The following RXRA variants were observed in gnomAD, a reference collection of about 807,000 sequenced individuals.
The protein encoded by RXRA is retinoic acid receptor RXR-alpha.
RXRA carries 5 observed loss-of-function variants against 44.5 expected under a neutral mutation model. The ratio of observed to expected loss-of-function variants is 0.11; its 90% CI spans 0.06 to 0.24. RXRA has a LOEUF of 0.24. Ranked by LOEUF, RXRA falls within the 10% of genes least tolerant of loss-of-function variation. RXRA has a pLI of 1.00. For synonymous variants in RXRA, 291 were observed against 271.4 expected (o/e 1.07, Z -0.71); for missense variants, 412 against 646.5 (o/e 0.64, Z 3.93).
chr9:134,376,387 A>G (rs1024254699), intron 1 of RXRA, among the ~76,000 whole-genome samples: 2 of 152,156 alleles, frequency 1.3e-5, no homozygotes, highest in Non-Finnish European at 2.9e-5. Context: ...GCTCCCGTCT[A>G]TGCTGTCTCC....
intron 1 of RXRA, among the ~76,000 whole-genome samples, chr9:134,352,234 C>T (rs1405208041): frequency 6.6e-6 from 1 of 152,062 alleles, no homozygotes; most frequent in Non-Finnish European, 1.5e-5. Context: ...GACTCTGCGC[C>T]TCCTGGGGTG....
chr9:134,365,329 G>A lies in RXRA; in HGVS notation c.29-36303G>A, dbSNP rs1180652557. Among the ~76,000 whole-genome samples, 1 of 152,264 alleles carries A rather than the reference G, an allele frequency of 6.6e-6. No homozygotes were observed. The highest frequency in any genetic ancestry group is 2.4e-5 in the African/African-American group (1 of 41,470). Reference sequence around the variant, plus strand: ...CTCGTGGTGGGGCAGCGCGTCCCTGGGTGAGTGACCAGGCGGCCTTGGGTC... The same window carrying A: ...CTCGTGGTGGGGCAGCGCGTCCCTGAGTGAGTGACCAGGCGGCCTTGGGTC... On this transcript the variant is annotated intron_variant, in intron 1 of 9. Transcript: ENST00000481739. This position sits in a 1 kb window ranked among gnomAD's most constrained non-coding sequence, Gnocchi z 4.0.
chr9:134,416,341 G>A (rs898737296), intron 4 of RXRA, among the ~76,000 whole-genome samples: 1 of 152,208 alleles, frequency 6.6e-6, no homozygotes, highest in Non-Finnish European at 1.5e-5. Context: ...CAGGGCTGAT[G>A]AGAGTCAGCT....
At chr9:134,331,920 C>G (rs1418028885) in intron 1 of RXRA, among the ~76,000 whole-genome samples, 2 of 152,210 alleles carry the variant, frequency 1.3e-5, no homozygotes, top group African/African-American at 4.8e-5. Flanking sequence ...TGGGTCTATG[C>G]CCCATGCTGG....
intron 1 of RXRA, among the ~76,000 whole-genome samples, chr9:134,353,570 C>G (rs551759697): frequency 2.6e-5 from 4 of 152,240 alleles, no homozygotes; most frequent in Admixed American, 1.3e-4. Flanking sequence ...CACGGCCCCA[C>G]GAGTCCACGA....
chr9:134,337,733 C>T (rs1005884082), intron 1 of RXRA, among the ~76,000 whole-genome samples: 3 of 152,096 alleles, frequency 2.0e-5, no homozygotes, highest in South Asian at 2.1e-4. Flanking sequence ...CACTTTGCGT[C>T]GTCGAAGGTT....
Position 134,425,232 on chromosome 9 carries a change from C to A in RXRA, c.910+3427C>A. ...AGGTTGATGTCACACGTGTCTGCTC[C>A]TGTGGGGTAGGGCCCCTTCCTTGGG... On this transcript the variant is annotated intron_variant, in intron 6 of 9. Coordinates refer to ENST00000481739, the MANE Select transcript of RXRA (RefSeq NM_002957.6). 3.0e-6 allele frequency: 3 copies of A among 985,366 alleles called. No homozygotes were observed. In the South Asian group the frequency reaches 1.4e-4, roughly 46 times the overall value. 61.0% of individuals were successfully genotyped at this position (985,366 alleles called of 1,614,324 possible). A position where few individuals can be genotyped will look rare whatever the true frequency, so the allele number is the denominator to read the frequency against.
intron 1 of RXRA, among the ~76,000 whole-genome samples, chr9:134,350,874 G>A (rs945975165): frequency 6.6e-6 from 1 of 152,222 alleles, no homozygotes; most frequent in Admixed American, 6.5e-5. Flanking sequence ...CTCCCCTGCC[G>A]CCTTGTCCTC....
At chr9:134,408,899 G>A (rs1428597402) in intron 3 of RXRA, 41 bp from the exon 4 acceptor site, 1 of 1,440,252 alleles carries the variant, frequency 6.9e-7, no homozygotes, top group Non-Finnish European at 9.2e-7. Context: ...CCCTGCCGGG[G>A]CGGTGGGTGC....
intron 1 of RXRA, chr9:134,379,430 C>A: frequency 1.0e-6 from 1 of 987,454 alleles, no homozygotes; most frequent in Non-Finnish European, 1.2e-6. Context: ...CACTTCCTGG[C>A]CATCCAGGCA....
rs1831714982 is a variant in RXRA, at chr9:134,440,447, C to T, written c.*3833C>T. 1 of 152,622 alleles carries T rather than the reference C, an allele frequency of 6.6e-6. No individual in the cohort carries two copies. The highest frequency in any genetic ancestry group is 2.4e-5 in the African/African-American group (1 of 41,462). The allele number at this position is 152,622 out of a possible 1,614,324, so 9.5% of individuals were successfully genotyped here. Reference sequence around the variant, plus strand: ...TGAAGTGGCTTCTCCGTACGATTGTCTCTGAAACATCGTGGCCTCAGGTGC... The same window carrying T: ...TGAAGTGGCTTCTCCGTACGATTGTTTCTGAAACATCGTGGCCTCAGGTGC... On this transcript the variant is annotated 3_prime_UTR_variant, in exon 10 of 10. Transcript: ENST00000481739.
chr9:134,413,008 C>T (rs1178528742), intron 4 of RXRA, among the ~76,000 whole-genome samples: 1 of 150,118 alleles, frequency 6.7e-6, no homozygotes, highest in African/African-American at 2.5e-5. Flanking sequence ...CACGTGTGTG[C>T]ATGTGCGTGC....
intron 1 of RXRA, among the ~76,000 whole-genome samples, chr9:134,329,482 A>T (rs527454889): frequency 6.6e-6 from 1 of 152,142 alleles, no homozygotes; most frequent in Non-Finnish European, 1.5e-5. Flanking sequence ...CTAGCCTCCA[A>T]CCTTGCCTAG....
rs894336544 is a variant in RXRA, at chr9:134,365,423, G to C, written c.29-36209G>C. ...TGGGATTTGGCGGGTAACGCTCGTG[G>C]TGTGTCCTGGTGTGAGACCCGGTGT... On this transcript the variant is annotated intron_variant, in intron 1 of 9. Coordinates refer to ENST00000481739, the MANE Select transcript of RXRA (RefSeq NM_002957.6). This position sits in a 1 kb window ranked among gnomAD's most constrained non-coding sequence, Gnocchi z 4.0. Among the ~76,000 whole-genome samples the C allele has an allele frequency of 6.6e-6, 1 of 152,196 alleles. No individual in the cohort carries two copies. Among genetic ancestry groups the C allele is most frequent in the Non-Finnish European group, 1.5e-5 (1 of 68,024 alleles).
chr9:134,375,747 G>A (rs1198380264), intron 1 of RXRA, among the ~76,000 whole-genome samples: 2 of 152,052 alleles, frequency 1.3e-5, no homozygotes, highest in African/African-American at 4.8e-5. Context: ...CGATTTGGAA[G>A]CAGCCACTCC....
chr9:134,333,193 G>A (rs1037235511), intron 1 of RXRA, among the ~76,000 whole-genome samples: 4 of 152,180 alleles, frequency 2.6e-5, no homozygotes, highest in Admixed American at 1.3e-4. Context: ...GAGCCTCTCA[G>A]GGTCTCTGTG....
At chr9:134,428,073 G>T (rs536579716) in intron 6 of RXRA, among the ~76,000 whole-genome samples, 1 of 152,176 alleles carries the variant, frequency 6.6e-6, no homozygotes, top group African/African-American at 2.4e-5. Context: ...GCGTGTGCAC[G>T]CGAGGGTCCC....
In RXRA at chr9:134,377,294, C is replaced by G. The variant is rs146359451; in HGVS notation, c.29-24338C>G. Among the ~76,000 whole-genome samples, 202 of 152,336 alleles carry G rather than the reference C, an allele frequency of 1.3e-3. 1 individual carries two copies. The highest frequency in any genetic ancestry group is 2.2e-3 in the Non-Finnish European group (151 of 68,012). On this transcript the variant is annotated intron_variant, in intron 1 of 9. Coordinates refer to ENST00000481739, the MANE Select transcript of RXRA (RefSeq NM_002957.6). ...TGGCGAGCTGGCTGCCCTCCCTGGG[C>G]CACATGCTGTCCCACATGGAAGGCG...
intron 1 of RXRA, among the ~76,000 whole-genome samples, chr9:134,352,822 C>T (rs1830237916): frequency 6.6e-6 from 1 of 152,170 alleles, no homozygotes; most frequent in African/African-American, 2.4e-5. Flanking sequence ...CCTTTGGGGA[C>T]ATCCAGGGCT....
Sources: allele counts gnomAD v4.1 joint callset (sites outside exome capture counted in the v4.1 genomes callset), GRCh38; gene constraint gnomAD v4.1.1; non-coding constraint Gnocchi (gnomAD v3.1); transcripts MANE v1.5; gene names NCBI Gene and HGNC (gene_info 2026-07-23, HGNC 2026-07-21).